Variants in P2RY2 observed in about 807,000 individuals in gnomAD.
The protein encoded by P2RY2 is P2Y purinoceptor 2.
For synonymous variants in P2RY2, 241 were observed against 231.9 expected (o/e 1.04, Z -0.35); for missense variants, 567 against 515.7 (o/e 1.10, Z -0.96).
Position 73,238,630 on chromosome 11 carries a change from T to C in P2RY2, c.*3337T>C, listed in dbSNP as rs1281143250. ...GCACCCTCTCATCTATGTTATATGG[T>C]GGATGCTTCACAGAAGCCCTGGGAA... On this transcript the variant is annotated 3_prime_UTR_variant, in exon 3 of 3. Transcript: ENST00000393597. Among the ~76,000 whole-genome samples, 1 of 152,188 alleles carries C rather than the reference T, an allele frequency of 6.6e-6. No homozygotes were observed. Among genetic ancestry groups the C allele is most frequent in the African/African-American group, 2.4e-5 (1 of 41,436 alleles).
At position 73,235,136 on chromosome 11, in the gene P2RY2, C is replaced by G; in HGVS notation, c.977C>G (p.Pro326Arg). ...FARDAKPPTGPSPATPARRRL... is the reference protein window; with the variant it reads ...FARDAKPPTGRSPATPARRRL... The stretch of plus-strand genomic sequence containing the variant: ...CGAGATGCCAAGCCACCCACTGGCC[C>G]CAGCCCTGCCACCCCGGCTCGCCGC... The change falls in exon 3 of 3, where the codon CCC (proline) becomes CGC (arginine). Residue 326 changes from proline to arginine, a missense_variant. By Grantham distance (103) the Pro-to-Arg change is moderately radical. Transcript: ENST00000393597. The G allele has an allele frequency of 1.9e-6, 3 of 1,609,934 alleles. No homozygotes were observed. The highest frequency in any genetic ancestry group is 2.5e-6 in the Non-Finnish European group (3 of 1,179,328).
At position 73,239,982 on chromosome 11, in the gene P2RY2, A is replaced by G. The variant is rs1862740459; in HGVS notation, c.*4689A>G. The stretch of plus-strand genomic sequence containing the variant: ...GTGAGGGGTGTGCTTGTGGGGGTGA[A>G]GGGTTGGGGTGAGAACTGAGCCCGA... On this transcript the variant is annotated 3_prime_UTR_variant, in exon 3 of 3. Transcript: ENST00000393597. The G allele has an allele frequency of 1.3e-5, 2 of 152,364 alleles. No individual in the cohort carries two copies. The highest frequency in any genetic ancestry group is 6.6e-5 in the Admixed American group (1 of 15,266). 9.4% of individuals were successfully genotyped at this position (152,364 alleles called of 1,614,324 possible).
chr11:73,219,715 CTT>C (rs1384156759), intron 1 of P2RY2, among the ~76,000 whole-genome samples: 4 of 152,242 alleles, frequency 2.6e-5, no homozygotes, highest in Admixed American at 6.5e-5. Flanking sequence ...CCGCCTGACT[CTT>C]TACCTTGCAG....
chr11:73,221,753 G>T (rs1420182622), intron 1 of P2RY2, among the ~76,000 whole-genome samples: 1 of 152,164 alleles, frequency 6.6e-6, no homozygotes, highest in African/African-American at 2.4e-5. Context: ...GAGGAGGCTG[G>T]CTGTGTGGGC....
In P2RY2 at chr11:73,234,726, C is replaced by T. The variant is rs1302612809; in HGVS notation, c.567C>T (p.Pro189=). The T allele has an allele frequency of 1.2e-5, 19 of 1,609,192 alleles. No individual in the cohort carries two copies. The highest frequency in any genetic ancestry group is 1.5e-5 in the Non-Finnish European group (18 of 1,179,592). ...TAACCTGCCACGACACCTCGGCACC[C>T]GAGCTCTTCAGCCGCTTCGTGGCCT... is the stretch of plus-strand genomic sequence containing the variant. ...GRVTCHDTSA[P]ELFSRFVAYS... The change falls in exon 3 of 3, where the codon CCC becomes CCT. Residue 189 remains proline, a synonymous_variant. Transcript: ENST00000393597.
At chr11:73,224,767 A>G (rs1300657340) in intron 1 of P2RY2, among the ~76,000 whole-genome samples, 1 of 152,050 alleles carries the variant, frequency 6.6e-6, no homozygotes, top group Non-Finnish European at 1.5e-5. Flanking sequence ...CCCTTCCCAT[A>G]ATTCCTGCGA....
At chr11:73,223,797 A>G (rs1304279932) in intron 1 of P2RY2, among the ~76,000 whole-genome samples, 1 of 152,224 alleles carries the variant, frequency 6.6e-6, no homozygotes. Context: ...GCTGGGTTCC[A>G]GGTGAGATGG....
At chr11:73,232,103 C>A (rs1267543642) in intron 2 of P2RY2, among the ~76,000 whole-genome samples, 1 of 152,082 alleles carries the variant, frequency 6.6e-6, no homozygotes, top group Non-Finnish European at 1.5e-5. Flanking sequence ...AATTATACGG[C>A]CCCAGATTCT....
intron 1 of P2RY2, among the ~76,000 whole-genome samples, chr11:73,222,587 T>C (rs1020639384): frequency 2.5e-4 from 38 of 152,210 alleles, no homozygotes; most frequent in African/African-American, 8.4e-4. Flanking sequence ...CACCTCACCC[T>C]CCACAGTAGC....
intron 2 of P2RY2, among the ~76,000 whole-genome samples, chr11:73,232,732 A>T (rs192414849): frequency 6.6e-6 from 1 of 152,302 alleles, no homozygotes; most frequent in Non-Finnish European, 1.5e-5. Context: ...TTTAGAAAGC[A>T]TGCTTAGTAG....
chr11:73,234,656 C>A lies in P2RY2; in HGVS notation c.497C>A (p.Ala166Asp). The change falls in exon 3 of 3, where the codon GCC becomes GAC. Residue 166 changes from alanine to aspartate, a missense_variant. Transcript: ENST00000393597. ...AVWVLVLACQ[A>D]PVLYFVTTSA... Reference sequence around the variant, plus strand: ...TGGGTGTTGGTGCTGGCCTGCCAGGCCCCCGTGCTCTACTTTGTCACCACC... The same window carrying A: ...TGGGTGTTGGTGCTGGCCTGCCAGGACCCCGTGCTCTACTTTGTCACCACC... The A allele has an allele frequency of 3.2e-6, 5 of 1,582,310 alleles. No individual in the cohort carries two copies. Among genetic ancestry groups the A allele is most frequent in the Non-Finnish European group, 4.3e-6 (5 of 1,163,434 alleles).
At chr11:73,234,047 C>G in intron 2 of P2RY2, 109 bp from the exon 3 acceptor site, 2 of 1,348,718 alleles carry the variant, frequency 1.5e-6, no homozygotes, top group Non-Finnish European at 2.0e-6. Context: ...GGTTCCAGGT[C>G]CAGATCCAAG....
rs145849413 is a variant in P2RY2 at position 73,236,197 on chromosome 11, G to A, written c.*904G>A. ...CAGTCCTTGAGATTTCCCAGTTTAG[G>A]TGATGGCCAGTCATGTGCTGGTAAA... is the stretch of plus-strand genomic sequence containing the variant. On this transcript the variant is annotated 3_prime_UTR_variant, in exon 3 of 3. Coordinates refer to ENST00000393597, the MANE Select transcript of P2RY2 (RefSeq NM_002564.4). The A allele has an allele frequency of 4.4e-5, 44 of 999,230 alleles. 1 individual carries two copies. In the East Asian group the frequency reaches 4.7e-3, roughly 106 times the overall value. 61.9% of individuals were successfully genotyped at this position (999,230 alleles called of 1,614,324 possible).
intron 2 of P2RY2, among the ~76,000 whole-genome samples, chr11:73,233,122 C>T (rs2135644203): frequency 6.6e-6 from 1 of 152,266 alleles, no homozygotes; most frequent in Non-Finnish European, 1.5e-5. Flanking sequence ...GCTGCATTTA[C>T]CACACAAAAG....
In P2RY2 at chr11:73,236,869, G is replaced by A. The variant is rs771251838; in HGVS notation, c.*1576G>A. On this transcript the variant is annotated 3_prime_UTR_variant, in exon 3 of 3. Transcript: ENST00000393597. Reference sequence around the variant, plus strand: ...GGACCACTCTGGGCTGACGTGTGGCGCTCAGCTGGACAGGGCCCCGCCCTA... The same window carrying A: ...GGACCACTCTGGGCTGACGTGTGGCACTCAGCTGGACAGGGCCCCGCCCTA... The A allele has an allele frequency of 1.7e-5, 17 of 985,310 alleles. No individual in the cohort carries two copies. Among genetic ancestry groups the A allele is most frequent in the Non-Finnish European group, 2.0e-5 (17 of 829,890 alleles). 61.0% of individuals were successfully genotyped at this position (985,310 alleles called of 1,614,324 possible).
Position 73,234,857 on chromosome 11 carries a change from C to T in P2RY2, c.698C>T (p.Ser233Leu), listed in dbSNP as rs766632202. The change falls in exon 3 of 3, where the codon TCG becomes TTG. Residue 233 changes from serine to leucine, a missense_variant. Coordinates refer to ENST00000393597, the MANE Select transcript of P2RY2 (RefSeq NM_002564.4). Reference sequence around the variant, plus strand: ...CTGCTAAAGCCAGCCTACGGGACCTCGGGCGGCCTGCCTAGGGCCAAGCGC... The same window carrying T: ...CTGCTAAAGCCAGCCTACGGGACCTTGGGCGGCCTGCCTAGGGCCAAGCGC... The part of the protein sequence containing the change: ...RRLLKPAYGT[S>L]GGLPRAKRKS... 1.9e-6 allele frequency: 3 copies of T among 1,610,522 alleles called. No homozygotes were observed. The highest frequency in any genetic ancestry group is 2.2e-5 in the South Asian group (2 of 91,080).
rs544831543 is a variant in P2RY2 at position 73,235,360 on chromosome 11, C to T, written c.*67C>T. 7.4e-5 allele frequency: 112 copies of T among 1,506,840 alleles called. 1 individual carries two copies. Among genetic ancestry groups the T allele is most frequent in the Admixed American group, 1.2e-4 (5 of 43,356 alleles). The allele number at this position is 1,506,840 out of a possible 1,614,324, so 93.3% of individuals were successfully genotyped here. On this transcript the variant is annotated 3_prime_UTR_variant, in exon 3 of 3. Transcript: ENST00000393597. ...TGTAGAGGACCAGGACTTGTGCAGA[C>T]GCCACAGTCTCCCCAGATATGGACC... is the stretch of plus-strand genomic sequence containing the variant.
chr11:73,231,693 A>G (rs1003036287), intron 2 of P2RY2, among the ~76,000 whole-genome samples: 10 of 152,166 alleles, frequency 6.6e-5, no homozygotes, highest in Non-Finnish European at 1.0e-4. Flanking sequence ...CTCAGGGTCT[A>G]TGGGAGTAGA....
At position 73,234,009 on chromosome 11, in the gene P2RY2, A is replaced by G. The variant is rs1425174024; in HGVS notation, c.-4-147A>G. The G allele has an allele frequency of 6.6e-5, 56 of 842,664 alleles. 1 individual carries two copies. Among genetic ancestry groups the G allele is most frequent in the Non-Finnish European group, 9.1e-5 (51 of 558,850 alleles). The allele number at this position is 842,664 out of a possible 1,614,324, so 52.2% of individuals were successfully genotyped here. A position where few individuals can be genotyped will look rare whatever the true frequency, so the allele number is the denominator to read the frequency against. ...ATCCTGATATTTATTCATTGATCTC[A>G]TGCATTCTCAAGGTTCCAGAGCTTG... On this transcript the variant is annotated intron_variant, in intron 2 of 2. Coordinates refer to ENST00000393597, the MANE Select transcript of P2RY2 (RefSeq NM_002564.4).
Sources: gnomAD v4.1 joint callset for allele counts (sites outside exome capture counted in the v4.1 genomes callset) on GRCh38, gnomAD v4.1.1 for gene constraint, MANE v1.5 for transcripts, NCBI Gene and HGNC (gene_info 2026-07-23, HGNC 2026-07-21) for gene names.